Variants in STOML2 observed in about 807,000 individuals in gnomAD.
STOML2 encodes the protein stomatin-like protein 2, mitochondrial.
A neutral mutation model predicts 45.7 loss-of-function variants in STOML2; 22 were observed. That is an observed-to-expected ratio of 0.48 (90% CI 0.34 to 0.69). The LOEUF is 0.69. Ranked by LOEUF, STOML2 falls within the 30% of genes least tolerant of loss-of-function variation. The probability of loss-of-function intolerance (pLI) is 0.01; values close to 1 mark genes in which losing one functional copy is unlikely to be tolerated. For synonymous variants in STOML2, 181 were observed against 182.7 expected (o/e 0.99, Z 0.08); for missense variants, 359 against 466.9 (o/e 0.77, Z 2.13).
rs200817328 is a variant in STOML2, at chr9:35,101,480, A to T, written c.525T>A (p.Tyr175Ter). The T allele has an allele frequency of 6.2e-7, 1 of 1,613,252 alleles. No individual in the cohort carries two copies. ...GTGGCACATGGATATCCTTGATCTC[A>T]TAACGGAGGCAGCGGATACCCCAGC... Reference protein sequence around the residue: ...ADCWGIRCLRYEIKDIHVPPR... With the variant: ...ADCWGIRCLR Residue 175 changes from tyrosine (Y) to a stop codon, truncating the protein, a stop_gained, in exon 6 of 10, where the codon TAT (tyrosine) becomes TAA (stop). Transcript: ENST00000356493. LOFTEE classifies it high-confidence loss of function. The surrounding 1 kb of genome is among the most constrained non-coding windows in gnomAD (Gnocchi z 4.3).
chr9:35,102,020 T>C lies in STOML2; in HGVS notation c.284-58A>G. 1 of 1,613,202 alleles carries C rather than the reference T, an allele frequency of 6.2e-7. No individual in the cohort carries two copies. The highest frequency in any genetic ancestry group is 1.7e-5 in the Admixed American group (1 of 60,020). On this transcript the variant is annotated intron_variant, in intron 3 of 9. Transcript: ENST00000356493. The surrounding 1 kb of genome is among the most constrained non-coding windows in gnomAD (Gnocchi z 4.8). ...AGGCCTCTAGGTCCCAACCAGTTCTTTCTACTAAGCTCTGGATCTACAGCA... is the reference window on the plus strand; with the variant it reads ...AGGCCTCTAGGTCCCAACCAGTTCTCTCTACTAAGCTCTGGATCTACAGCA...
chr9:35,100,000 C>T lies in STOML2; in HGVS notation c.*35G>A, dbSNP rs1209218207. 2.5e-6 allele frequency: 4 copies of T among 1,594,982 alleles called. No individual in the cohort carries two copies. In the African/African-American group the frequency reaches 4.0e-5, roughly 16 times the overall value. ...AGCCAGAATCAGGAAAATCTGCTTCCTTGTTCCCAGACTCCCTGGCCAAGC... is the reference window on the plus strand; with the variant it reads ...AGCCAGAATCAGGAAAATCTGCTTCTTTGTTCCCAGACTCCCTGGCCAAGC... On this transcript the variant is annotated 3_prime_UTR_variant, in exon 10 of 10. Coordinates refer to ENST00000356493, the MANE Select transcript of STOML2 (RefSeq NM_013442.3).
In STOML2 at chr9:35,101,061, C is replaced by T. The variant is rs1037751576; in HGVS notation, c.725-50G>A. ...CTTGACCCATGAAGTCAAAGTACCCCAAAGATCCTGCCCCAGCACCAATCT... is the reference window on the plus strand; with the variant it reads ...CTTGACCCATGAAGTCAAAGTACCCTAAAGATCCTGCCCCAGCACCAATCT... On this transcript the variant is annotated intron_variant, in intron 7 of 9. Coordinates refer to ENST00000356493, the MANE Select transcript of STOML2 (RefSeq NM_013442.3). The surrounding 1 kb of genome is among the most constrained non-coding windows in gnomAD (Gnocchi z 4.3). 3 of 1,612,106 alleles carry T rather than the reference C, an allele frequency of 1.9e-6. No individual in the cohort carries two copies. In the African/African-American group the frequency reaches 4.0e-5, roughly 22 times the overall value.
Position 35,101,990 on chromosome 9 carries a change from A to G in STOML2, c.284-28T>C. On this transcript the variant is annotated intron_variant, in intron 3 of 9. Coordinates refer to ENST00000356493, the MANE Select transcript of STOML2 (RefSeq NM_013442.3). This position sits in a 1 kb window ranked among gnomAD's most constrained non-coding sequence, Gnocchi z 4.3. ...GTAGAACCAGGAGAGAAAACGGGGA[A>G]AGTCAGGCCTCTAGGTCCCAACCAG... is the stretch of plus-strand genomic sequence containing the variant. 1 of 1,614,064 alleles carries G rather than the reference A, an allele frequency of 6.2e-7. No individual in the cohort carries two copies. The highest frequency in any genetic ancestry group is 1.1e-5 in the South Asian group (1 of 91,076).
intron 9 of STOML2, 143 bp downstream of exon 9, chr9:35,100,455 C>A: frequency 8.6e-7 from 1 of 1,157,026 alleles, no homozygotes; most frequent in Non-Finnish European, 1.2e-6. Flanking sequence ...TTCTTAGATT[C>A]CATCTCTACA....
In STOML2 at chr9:35,100,006, C is replaced by T. The variant is rs546569675; in HGVS notation, c.*29G>A. The T allele has an allele frequency of 6.2e-7, 1 of 1,602,386 alleles. No homozygotes were observed. The highest frequency in any genetic ancestry group is 1.3e-5 in the African/African-American group (1 of 74,192). ...AATCAGGAAAATCTGCTTCCTTGTT[C>T]CCAGACTCCCTGGCCAAGCCCAGCT... is the stretch of plus-strand genomic sequence containing the variant. On this transcript the variant is annotated 3_prime_UTR_variant, in exon 10 of 10. Coordinates refer to ENST00000356493, the MANE Select transcript of STOML2 (RefSeq NM_013442.3).
chr9:35,102,027 A>C lies in STOML2; in HGVS notation c.284-65T>G. 6.2e-7 allele frequency: 1 copy of C among 1,612,710 alleles called. No individual in the cohort carries two copies. The highest frequency in any genetic ancestry group is 1.7e-5 in the Admixed American group (1 of 60,026). ...TAGGTCCCAACCAGTTCTTTCTACT[A>C]AGCTCTGGATCTACAGCAACCACAT... On this transcript the variant is annotated intron_variant, in intron 3 of 9. Coordinates refer to ENST00000356493, the MANE Select transcript of STOML2 (RefSeq NM_013442.3). The surrounding 1 kb of genome is among the most constrained non-coding windows in gnomAD (Gnocchi z 4.8).
At position 35,099,937 on chromosome 9, in the gene STOML2, T is replaced by C. The variant is rs1044873331; in HGVS notation, c.*98A>G. On this transcript the variant is annotated 3_prime_UTR_variant, in exon 10 of 10. Transcript: ENST00000356493. The stretch of plus-strand genomic sequence containing the variant: ...GTTTATTACACGACTAAAGTTCAAA[T>C]AAAAAAATAAAAACCAAAATCTTGG... 1.3e-6 allele frequency: 2 copies of C among 1,483,284 alleles called. No individual in the cohort carries two copies. Among genetic ancestry groups the C allele is most frequent in the African/African-American group, 1.4e-5 (1 of 71,362 alleles). The allele number at this position is 1,483,284 out of a possible 1,614,324, so 91.9% of individuals were successfully genotyped here.
chr9:35,102,805 C>G lies in STOML2; in HGVS notation c.64G>C (p.Gly22Arg). The G allele has an allele frequency of 6.2e-7, 1 of 1,613,528 alleles. No homozygotes were observed. The highest frequency in any genetic ancestry group is 8.5e-7 in the Non-Finnish European group (1 of 1,179,832). ...GAGGAGGCGCGGCGCGGAGCGCGGC[C>G]AGAAGCCAGTAGAGAGCCCTGAAGG... ...LLLRGSLLAS[G>R]RAPRRASSGL... Residue 22 changes from glycine (G) to arginine (R), a missense_variant, in exon 2 of 10, where the codon GGC (glycine) becomes CGC (arginine). This residue lies in a region of STOML2 where 74 missense variants were observed against 45.0 expected (regional missense o/e 1.65). Coordinates refer to ENST00000356493, the MANE Select transcript of STOML2 (RefSeq NM_013442.3). The surrounding 1 kb of genome is among the most constrained non-coding windows in gnomAD (Gnocchi z 4.8).
upstream of STOML2, chr9:35,103,141 G>T (rs1353400620): frequency 1.2e-6 from 2 of 1,607,418 alleles, no homozygotes; most frequent in Non-Finnish European, 1.7e-6. Flanking sequence ...CGAGCGGAGC[G>T]GTCGCTCCCA....
chr9:35,101,773 G>GT lies in STOML2; in HGVS notation c.380_381insA (p.Gln128ProfsTer39). ...ATCTCATGGTTGTTTGAGCTAGCTG[G>GT]GTGACGGCATACTCAGGGTCCTCCA... On this transcript the variant is annotated frameshift_variant, in exon 5 of 10. Coordinates refer to ENST00000356493, the MANE Select transcript of STOML2 (RefSeq NM_013442.3). LOFTEE classifies it high-confidence loss of function. This position sits in a 1 kb window ranked among gnomAD's most constrained non-coding sequence, Gnocchi z 4.3. 6.2e-7 allele frequency: 1 copy of GT among 1,614,138 alleles called. No individual in the cohort carries two copies. The highest frequency in any genetic ancestry group is 8.5e-7 in the Non-Finnish European group (1 of 1,180,030).
chr9:35,102,205 G>T lies in STOML2; in HGVS notation c.184-11C>A. ...GAGGATGTTCAAACCCTGGAAAGAG[G>T]AGTCATGGGTCCTCAGAAGGCTGGG... On this transcript the variant is annotated splice_polypyrimidine_tract_variant and intron_variant, in intron 2 of 9. Transcript: ENST00000356493. The surrounding 1 kb of genome is among the most constrained non-coding windows in gnomAD (Gnocchi z 4.8). The T allele has an allele frequency of 6.2e-7, 1 of 1,612,008 alleles. No homozygotes were observed. The highest frequency in any genetic ancestry group is 1.3e-5 in the African/African-American group (1 of 74,896).
intron 8 of STOML2, 31 bp downstream of exon 8, chr9:35,100,901 C>T (rs749715771): frequency 5.0e-6 from 8 of 1,614,016 alleles, no homozygotes; most frequent in Non-Finnish European, 6.8e-6. Flanking sequence ...CTGTCAATTC[C>T]TGTCCCCATT....
At position 35,099,933 on chromosome 9, in the gene STOML2, C is replaced by G. The variant is rs1252918660; in HGVS notation, c.*102G>C. The G allele has an allele frequency of 3.4e-6, 5 of 1,454,684 alleles. No individual in the cohort carries two copies. Among genetic ancestry groups the G allele is most frequent in the Non-Finnish European group, 4.7e-6 (5 of 1,071,144 alleles). The allele number at this position is 1,454,684 out of a possible 1,614,324, so 90.1% of individuals were successfully genotyped here. A position where few individuals can be genotyped will look rare whatever the true frequency, so the allele number is the denominator to read the frequency against. On this transcript the variant is annotated 3_prime_UTR_variant, in exon 10 of 10. Transcript: ENST00000356493. ...GTGAGTTTATTACACGACTAAAGTT[C>G]AAATAAAAAAATAAAAACCAAAATC...
Position 35,101,171 on chromosome 9 carries a change from C to T in STOML2, c.688G>A (p.Glu230Lys), listed in dbSNP as rs1320732098. 1.1e-5 allele frequency: 18 copies of T among 1,614,240 alleles called. No individual in the cohort carries two copies. The highest frequency in any genetic ancestry group is 1.3e-5 in the African/African-American group (1 of 75,064). ...TTTATCTGTTCAGCCTTTTCTGCTT[C>T]GGAGGCCAGGATCTGGGCCTGTTTC... ...GKKQAQILAS[E>K]AEKAEQINQA... The change falls in exon 7 of 10, where the codon GAA (glutamate) becomes AAA (lysine). Residue 230 changes from glutamate (E) to lysine (K), a missense_variant. Transcript: ENST00000356493. The surrounding 1 kb of genome is among the most constrained non-coding windows in gnomAD (Gnocchi z 4.3).
rs776061793 is a variant in STOML2 at position 35,101,579 on chromosome 9, GC to G, written c.445-20del. 3 of 1,613,974 alleles carry G rather than the reference GC, an allele frequency of 1.9e-6. No homozygotes were observed. Among genetic ancestry groups the G allele is most frequent in the Non-Finnish European group, 2.5e-6 (3 of 1,180,028 alleles). On this transcript the variant is annotated intron_variant, in intron 5 of 9. Coordinates refer to ENST00000356493, the MANE Select transcript of STOML2 (RefSeq NM_013442.3). The surrounding 1 kb of genome is among the most constrained non-coding windows in gnomAD (Gnocchi z 4.3). ...CCCGTTCCTGGAAAAAGAGGTGTAAGCCCCACAGCCTCAACCTACCTATCAA... is the reference window on the plus strand; with the variant it reads ...CCCGTTCCTGGAAAAAGAGGTGTAAGCCCACAGCCTCAACCTACCTATCAA...
upstream of STOML2, chr9:35,103,155 G>A: frequency 1.9e-6 from 3 of 1,593,116 alleles, no homozygotes; most frequent in East Asian, 2.2e-5. Context: ...GCTCCCAGAA[G>A]CCTACCCGAG....
In STOML2 at chr9:35,101,320, A is replaced by C. The variant is rs1426827437; in HGVS notation, c.580-41T>G. 6.2e-7 allele frequency: 1 copy of C among 1,613,678 alleles called. No individual in the cohort carries two copies. ...AATCCCAATCAACAAGCCAAGGGAG[A>C]CTGATACAGACATGCAACTCTACCC... On this transcript the variant is annotated intron_variant, in intron 6 of 9. Transcript: ENST00000356493. The surrounding 1 kb of genome is among the most constrained non-coding windows in gnomAD (Gnocchi z 4.3).
At position 35,103,072 on chromosome 9, in the gene STOML2, C is replaced by T. The variant is rs761928176; in HGVS notation, c.23G>A (p.Gly8Asp). ...CACCCTCAGCAAAAGGGCCCCAGTG[C>T]CCCGCGCCGCGCGCGCCAGCATTTC... MLARAAR[G>D]TGALLLRGSL... Residue 8 changes from glycine (G) to aspartate (D), a missense_variant, in exon 1 of 10, where the codon GGC becomes GAC. This residue lies in a region of STOML2 where 74 missense variants were observed against 45.0 expected (regional missense o/e 1.65). Coordinates refer to ENST00000356493, the MANE Select transcript of STOML2 (RefSeq NM_013442.3). 1.2e-6 allele frequency: 2 copies of T among 1,613,964 alleles called. No homozygotes were observed. The highest frequency in any genetic ancestry group is 1.1e-5 in the South Asian group (1 of 91,066).
Sources: allele counts gnomAD v4.1 joint callset, GRCh38; gene constraint gnomAD v4.1.1; regional missense constraint gnomAD v4.1.1; non-coding constraint Gnocchi (gnomAD v3.1); transcripts MANE v1.5; gene names NCBI Gene and HGNC (gene_info 2026-07-23, HGNC 2026-07-21).